Variants in GBE1 observed in about 807,000 individuals in gnomAD.
GBE1 encodes 1,4-alpha-glucan-branching enzyme.
GBE1 carries 70 observed loss-of-function variants against 88.8 expected under a neutral mutation model. The observed-to-expected ratio is 0.79, with a 90% CI of 0.65 to 0.96. The LOEUF (loss-of-function observed/expected upper bound fraction) is 0.96. Ranked by LOEUF, GBE1 falls within the 40% of genes least tolerant of loss-of-function variation. GBE1 has a pLI of 0.00. For synonymous variants in GBE1, 284 were observed against 300.1 expected (o/e 0.95, Z 0.56); for missense variants, 872 against 871.0 (o/e 1.00, Z -0.01).
At position 81,750,605 on chromosome 3, in the gene GBE1, ATATATATATATGTATATATATATACG is replaced by A. The variant is rs1559708650; in HGVS notation, c.143+10744_143+10769del. Among the ~76,000 whole-genome samples the A allele has an allele frequency of 2.0e-3, 71 of 35,528 alleles. 9 individuals are homozygous for A. The highest frequency in any genetic ancestry group is 7.7e-3 in the African/African-American group (55 of 7,174). The allele number at this position is 35,528 out of a possible 152,430, so 23.3% of individuals were successfully genotyped here. On this transcript the variant is annotated intron_variant, in intron 1 of 15. Coordinates refer to ENST00000429644, the MANE Select transcript of GBE1 (RefSeq NM_000158.4). ...TATATATACGTATATATATATGTGT[ATATATATATATGTATATATATATACG>A]TATATATATATATGTATATATATAT...
chr3:81,496,088 A>ATTAACATATAGG (rs1269769417), intron 15 of GBE1, among the ~76,000 whole-genome samples: 1 of 152,220 alleles, frequency 6.6e-6, no homozygotes, highest in Non-Finnish European at 1.5e-5. Context: ...CAGTGCACTG[A>ATTAACATATAGG]TTAACATATA....
At chr3:81,558,090 G>A (rs542524703) in intron 12 of GBE1, among the ~76,000 whole-genome samples, 1 of 151,934 alleles carries the variant, frequency 6.6e-6, no homozygotes, top group African/African-American at 2.4e-5. Flanking sequence ...TGGCAAATAA[G>A]AGAAAAAATG....
chr3:81,618,756 G>A (rs572436294), intron 7 of GBE1, among the ~76,000 whole-genome samples: 227 of 152,184 alleles, frequency 1.5e-3, no homozygotes, highest in African/African-American at 5.3e-3. Context: ...TTTTACACAT[G>A]TAGAGTAAAT....
chr3:81,730,056 C>A (rs1002676470), intron 1 of GBE1, among the ~76,000 whole-genome samples: 62 of 151,992 alleles, frequency 4.1e-4, no homozygotes, highest in Non-Finnish European at 8.1e-4. Context: ...GTTTCCAATG[C>A]CATCAACAGA....
At chr3:81,596,409 G>T (rs552829001) in intron 7 of GBE1, among the ~76,000 whole-genome samples, 1 of 151,718 alleles carries the variant, frequency 6.6e-6, no homozygotes, top group African/African-American at 2.4e-5. Flanking sequence ...TTAACATTAG[G>T]TATATCTCCA....
chr3:81,652,561 G>A (rs1704865480), intron 3 of GBE1, among the ~76,000 whole-genome samples: 1 of 152,102 alleles, frequency 6.6e-6, no homozygotes, highest in Admixed American at 6.6e-5. Context: ...AACTGTTAAG[G>A]AGAGCAAAGC....
intron 1 of GBE1, among the ~76,000 whole-genome samples, chr3:81,756,408 G>A (rs952134462): frequency 1.6e-4 from 24 of 152,202 alleles, no homozygotes; most frequent in African/African-American, 4.8e-4. Context: ...GAAGTCAGAA[G>A]ATATTCACTC....
intron 3 of GBE1, among the ~76,000 whole-genome samples, chr3:81,657,604 C>T (rs1039498374): frequency 1.3e-5 from 2 of 151,954 alleles, no homozygotes; most frequent in Non-Finnish European, 2.9e-5. Flanking sequence ...CATAGTTAAT[C>T]GGTAAGATTA....
rs556972925 is a variant in GBE1, at chr3:81,703,090, T to C, written c.313+2354A>G. 5.0e-4 allele frequency among the ~76,000 whole-genome samples: 76 copies of C among 152,070 alleles called. 1 individual carries two copies. The highest frequency in any genetic ancestry group is 9.8e-4 in the Admixed American group (15 of 15,250). ...ACATAAAAATTTAACTTAAACATTCTCAATATCCTCAACCTCTGCATGGAA... is the reference window on the plus strand; with the variant it reads ...ACATAAAAATTTAACTTAAACATTCCCAATATCCTCAACCTCTGCATGGAA... On this transcript the variant is annotated intron_variant, in intron 2 of 15. Coordinates refer to ENST00000429644, the MANE Select transcript of GBE1 (RefSeq NM_000158.4).
intron 7 of GBE1, among the ~76,000 whole-genome samples, chr3:81,617,267 G>A (rs1236199314): frequency 6.6e-6 from 1 of 151,722 alleles, no homozygotes; most frequent in African/African-American, 2.4e-5. Flanking sequence ...TCCCAGCACT[G>A]TGTTAAATAA....
At chr3:81,687,262 G>A (rs995273321) in intron 2 of GBE1, among the ~76,000 whole-genome samples, 8 of 152,110 alleles carry the variant, frequency 5.3e-5, no homozygotes, top group Admixed American at 4.6e-4. Flanking sequence ...TATATGCAGA[G>A]GGAAAGAAAG....
intron 7 of GBE1, among the ~76,000 whole-genome samples, chr3:81,607,976 A>T (rs1238142135): frequency 6.6e-6 from 1 of 152,224 alleles, no homozygotes; most frequent in Non-Finnish European, 1.5e-5. Flanking sequence ...AGCCAGATTT[A>T]CACAAGAAAT....
chr3:81,761,275 G>T, intron 1 of GBE1, 100 bp downstream of exon 1: 2 of 1,447,254 alleles, frequency 1.4e-6, no homozygotes, highest in Non-Finnish European at 9.3e-7. Context: ...CGCCTGGGGC[G>T]GGGTTGGCGC....
chr3:81,547,234 G>T (rs1703217662), intron 12 of GBE1, among the ~76,000 whole-genome samples: 1 of 151,468 alleles, frequency 6.6e-6, no homozygotes, highest in South Asian at 2.1e-4. Context: ...ACGCTTGACT[G>T]AACTTGGGTT....
At chr3:81,711,924 T>C (rs1356470136) in intron 1 of GBE1, among the ~76,000 whole-genome samples, 1 of 151,878 alleles carries the variant, frequency 6.6e-6, no homozygotes, top group Non-Finnish European at 1.5e-5. Context: ...AGGGCTAATA[T>C]CCAGAATCTA....
intron 12 of GBE1, among the ~76,000 whole-genome samples, chr3:81,542,107 T>C (rs1279333581): frequency 6.6e-6 from 1 of 152,064 alleles, no homozygotes; most frequent in Non-Finnish European, 1.5e-5. Context: ...CATACATTCA[T>C]ACCTATCTAC....
intron 3 of GBE1, among the ~76,000 whole-genome samples, chr3:81,666,780 GA>G (rs1347123280): frequency 3.3e-5 from 5 of 152,074 alleles, no homozygotes; most frequent in Non-Finnish European, 7.4e-5. Context: ...AACTTATCTA[GA>G]AAATAATTTT....
At chr3:81,639,368 C>T (rs1281687249) in intron 7 of GBE1, among the ~76,000 whole-genome samples, 1 of 151,202 alleles carries the variant, frequency 6.6e-6, no homozygotes, top group Non-Finnish European at 1.5e-5. Flanking sequence ...ATGGCTATTT[C>T]AGACATAACT....
At chr3:81,631,252 C>T (rs1014868175) in intron 7 of GBE1, among the ~76,000 whole-genome samples, 1 of 151,974 alleles carries the variant, frequency 6.6e-6, no homozygotes, top group Non-Finnish European at 1.5e-5. Flanking sequence ...GCAAAATAAG[C>T]AAGGTAGTCA....
Sources: allele counts gnomAD v4.1 joint callset (sites outside exome capture counted in the v4.1 genomes callset), GRCh38; gene constraint gnomAD v4.1.1; transcripts MANE v1.5; gene names NCBI Gene and HGNC (gene_info 2026-07-23, HGNC 2026-07-21).